DYNC1I1: variants seen among roughly 807,000 people sequenced by gnomAD.
DYNC1I1 encodes the protein dynein cytoplasmic 1 intermediate chain 1.
In DYNC1I1, 43 loss-of-function variants were observed where a neutral mutation model predicts 86.6. The observed-to-expected ratio is 0.50, with a 90% CI of 0.39 to 0.64. The LOEUF is 0.64. Among genes scored for constraint, DYNC1I1 ranks in the 30% least tolerant of loss-of-function variants. The pLI is 0.00. For missense variants in DYNC1I1, 604 were observed against 788.8 expected, an observed-to-expected ratio of 0.77 and a Z score of 2.81; for synonymous variants, 262 against 283.7, an observed-to-expected ratio of 0.92 and a Z score of 0.77.
intron 6 of DYNC1I1, among the ~76,000 whole-genome samples, chr7:95,894,207 T>C (rs966362084): frequency 1.3e-5 from 2 of 151,852 alleles, no homozygotes; most frequent in African/African-American, 2.4e-5. Context: ...GGGTAGCTTA[T>C]AAATAACAGA....
intron 16 of DYNC1I1, 104 bp downstream of exon 16, chr7:96,080,592 T>A (rs921843960): frequency 2.5e-6 from 4 of 1,587,642 alleles, no homozygotes; most frequent in African/African-American, 2.7e-5. Flanking sequence ...GGACCCTCTC[T>A]AACGTGCTTG....
At chr7:95,947,328 C>G (rs894464523) in intron 6 of DYNC1I1, among the ~76,000 whole-genome samples, 1 of 152,152 alleles carries the variant, frequency 6.6e-6, no homozygotes, top group African/African-American at 2.4e-5. Context: ...GGTCTCTCTT[C>G]TTTGACAGCA....
intron 6 of DYNC1I1, among the ~76,000 whole-genome samples, chr7:95,927,202 T>C (rs1791769472): frequency 6.6e-6 from 1 of 152,172 alleles, no homozygotes. Flanking sequence ...TAATACAAGT[T>C]AATGAACTCT....
chr7:95,977,917 A>G (rs1402330334), intron 7 of DYNC1I1, among the ~76,000 whole-genome samples: 1 of 152,240 alleles, frequency 6.6e-6, no homozygotes, highest in Non-Finnish European at 1.5e-5. Context: ...ATTCCCAATG[A>G]TAACAGTAAA....
chr7:95,866,379 A>G (rs1790018363), intron 5 of DYNC1I1, among the ~76,000 whole-genome samples: 1 of 152,226 alleles, frequency 6.6e-6, no homozygotes, highest in Non-Finnish European at 1.5e-5. Flanking sequence ...GTGGATGGTC[A>G]TAAGGCATTA....
At chr7:95,828,007 C>G (rs185344766) in intron 4 of DYNC1I1, 50 bp from the exon 5 acceptor site, 61 of 1,603,766 alleles carry the variant, frequency 3.8e-5, no homozygotes, top group Admixed American at 2.8e-4. Context: ...TTGTTGCCCT[C>G]CCCTTTTGTT....
intron 2 of DYNC1I1, 90 bp from the exon 3 acceptor site, chr7:95,810,302 A>G (rs1470132044): frequency 2.0e-6 from 2 of 998,204 alleles, no homozygotes; most frequent in Non-Finnish European, 2.9e-6. Flanking sequence ...CCTTGTCTTC[A>G]CTGCCATGCA....
At chr7:95,941,231 G>A (rs1357823955) in intron 6 of DYNC1I1, among the ~76,000 whole-genome samples, 3 of 151,982 alleles carry the variant, frequency 2.0e-5, no homozygotes. Context: ...TCCCAGTTAG[G>A]CTGCTTGGGG....
intron 13 of DYNC1I1, among the ~76,000 whole-genome samples, chr7:96,038,229 G>C (rs1392134145): frequency 6.6e-6 from 1 of 152,118 alleles, no homozygotes; most frequent in Admixed American, 6.5e-5. Context: ...GTGCTCCAGA[G>C]GCCCAAATGT....
At chr7:96,023,989 C>G (rs900255075) in intron 10 of DYNC1I1, among the ~76,000 whole-genome samples, 1 of 152,082 alleles carries the variant, frequency 6.6e-6, no homozygotes, top group African/African-American at 2.4e-5. Context: ...AATTGTGGTT[C>G]CTAACGTAAC....
intron 10 of DYNC1I1, among the ~76,000 whole-genome samples, chr7:96,016,746 T>G (rs1794411521): frequency 6.6e-6 from 1 of 152,212 alleles, no homozygotes; most frequent in Admixed American, 6.5e-5. Context: ...TTTACATGCT[T>G]GCTCTGTCAA....
At chr7:95,814,319 A>G (rs766875620) in intron 4 of DYNC1I1, among the ~76,000 whole-genome samples, 16 of 152,170 alleles carry the variant, frequency 1.1e-4, no homozygotes, top group Non-Finnish European at 7.3e-5. Context: ...GCCTGTGGCA[A>G]TTTATGAACT....
At chr7:95,851,443 T>A (rs2600569) in intron 5 of DYNC1I1, among the ~76,000 whole-genome samples, 76,004 of 152,056 alleles carry the variant, frequency 0.5, 21,170 homozygotes, top group Non-Finnish European at 0.64. Flanking sequence ...GTGTTTAATA[T>A]TTTTAGATCA....
intron 14 of DYNC1I1, among the ~76,000 whole-genome samples, chr7:96,043,492 C>A (rs1325001285): frequency 2.0e-5 from 3 of 149,894 alleles, no homozygotes; most frequent in Non-Finnish European, 4.4e-5. Flanking sequence ...TGCAACAAAA[C>A]CAAAAATTTT....
At chr7:96,099,216 A>AAAG (rs1203175849), downstream of DYNC1I1, among the ~76,000 whole-genome samples, 1 of 152,224 alleles carries the variant, frequency 6.6e-6, no homozygotes, top group African/African-American at 2.4e-5. Flanking sequence ...TGAAAAGTAC[A>AAAG]AAGGCCTGAG....
chr7:95,929,915 A>G (rs773744690), intron 6 of DYNC1I1, among the ~76,000 whole-genome samples: 1 of 152,228 alleles, frequency 6.6e-6, no homozygotes, highest in Non-Finnish European at 1.5e-5. Context: ...TCTGCTGCTG[A>G]TAGACCTTGG....
intron 5 of DYNC1I1, among the ~76,000 whole-genome samples, chr7:95,854,125 C>T (rs1169245440): frequency 6.6e-6 from 1 of 151,990 alleles, no homozygotes; most frequent in African/African-American, 2.4e-5. Flanking sequence ...GAATTTAATC[C>T]ATTTATATTC....
At chr7:96,031,551 C>G (rs1054360872) in intron 11 of DYNC1I1, among the ~76,000 whole-genome samples, 6 of 152,156 alleles carry the variant, frequency 3.9e-5, no homozygotes, top group Admixed American at 6.5e-5. Flanking sequence ...AGAGTTTGGA[C>G]CACCTCTTGG....
chr7:95,832,861 G>T (rs1443501854), intron 5 of DYNC1I1, among the ~76,000 whole-genome samples: 1 of 152,132 alleles, frequency 6.6e-6, no homozygotes. Flanking sequence ...CGTAGATTCT[G>T]GATATTAGCC....
Sources: allele counts gnomAD v4.1 joint callset (sites outside exome capture counted in the v4.1 genomes callset), GRCh38; gene constraint gnomAD v4.1.1; transcripts MANE v1.5; gene names NCBI Gene and HGNC (gene_info 2026-07-23, HGNC 2026-07-21).